Variants in GSE1 observed in about 807,000 individuals in gnomAD.
The protein encoded by GSE1 is genetic suppressor element 1.
Under a neutral mutation model 112.6 loss-of-function variants are expected in GSE1, and 32 were observed. The ratio of observed to expected loss-of-function variants is 0.28; its 90% CI spans 0.21 to 0.38. The LOEUF is 0.38. GSE1 is among the 10% of genes least tolerant of loss of function. GSE1 has a pLI of 1.00. For missense variants in GSE1, 2,348 were observed against 1,699.2 expected, an observed-to-expected ratio of 1.38 and a Z score of -6.71; for synonymous variants, 1,115 against 735.6, an observed-to-expected ratio of 1.52 and a Z score of -8.35.
chr16:85,409,844 C>T (rs1485303861), intron 2 of GSE1, among the ~76,000 whole-genome samples: 2 of 9,358 alleles, frequency 2.1e-4, no homozygotes, highest in Non-Finnish European at 4.1e-4. Flanking sequence ...CAGGGCCCCC[C>T]GGATAATCCT....
At chr16:85,502,147 G>T (rs894236554) in intron 2 of GSE1, among the ~76,000 whole-genome samples, 4 of 152,190 alleles carry the variant, frequency 2.6e-5, no homozygotes, top group East Asian at 1.9e-4. Flanking sequence ...TGGAGGTTGG[G>T]TGAGATGGGA....
chr16:85,419,474 T>C lies in GSE1; in HGVS notation c.2464+61831T>C, dbSNP rs562293747. 6.6e-6 allele frequency among the ~76,000 whole-genome samples: 1 copy of C among 151,868 alleles called. No individual in the cohort carries two copies. Among genetic ancestry groups the C allele is most frequent in the African/African-American group, 2.4e-5 (1 of 41,404 alleles). On this transcript the variant is annotated intron_variant, in intron 2 of 2. Transcript: ENST00000637419. The surrounding 1 kb of genome is among the most constrained non-coding windows in gnomAD (Gnocchi z 6.5). ...AACAAAAGTTAGCCAGGCGTGGTGG[T>C]GCACATCTGTGGTCCTAGCTACTCG...
At chr16:85,401,761 C>A (rs2048120249) in intron 2 of GSE1, among the ~76,000 whole-genome samples, 1 of 152,242 alleles carries the variant, frequency 6.6e-6, no homozygotes, top group South Asian at 2.1e-4. Flanking sequence ...GGGGTTGATA[C>A]CCGTCCATGC....
chr16:85,240,964 C>G (rs1308710036), intron 1 of GSE1, among the ~76,000 whole-genome samples: 3 of 152,200 alleles, frequency 2.0e-5, no homozygotes, highest in African/African-American at 7.2e-5. Flanking sequence ...AAAATGCCCC[C>G]TTGAAAGCTG....
At position 85,668,881 on chromosome 16, in the gene GSE1, C is replaced by T. The variant is rs370951994; in HGVS notation, c.3415+457C>T. 1.3e-3 allele frequency among the ~76,000 whole-genome samples: 191 copies of T among 152,356 alleles called. 2 individuals carry two copies. Among genetic ancestry groups the T allele is most frequent in the African/African-American group, 4.5e-3 (189 of 41,580 alleles). On this transcript the variant is annotated intron_variant, in intron 14 of 15. Transcript: ENST00000253458. The stretch of plus-strand genomic sequence containing the variant: ...CGGTGGGTGCCAGTCATGTTTTCAG[C>T]TGCCTTTACTTTAGCCAAGCACTTT...
chr16:85,611,720 C>T (rs2047995791), upstream of GSE1, among the ~76,000 whole-genome samples: 1 of 152,120 alleles, frequency 6.6e-6, no homozygotes, highest in Admixed American at 6.5e-5. Flanking sequence ...ACCCTGCCCC[C>T]CGGAGGGCAC....
intron 2 of GSE1, among the ~76,000 whole-genome samples, chr16:85,444,736 C>A (rs2049465731): frequency 1.3e-5 from 2 of 152,150 alleles, no homozygotes; most frequent in Non-Finnish European, 2.9e-5. Flanking sequence ...CCTCCTGTGA[C>A]CCACTGAACC....
intron 1 of GSE1, among the ~76,000 whole-genome samples, chr16:85,558,377 G>C (rs991107254): frequency 2.6e-5 from 4 of 151,862 alleles, no homozygotes; most frequent in Non-Finnish European, 5.9e-5. Flanking sequence ...AGTACAGGGC[G>C]TCTTCAAAGC....
intron 2 of GSE1, among the ~76,000 whole-genome samples, chr16:85,538,130 A>T (rs2044395317): frequency 6.6e-6 from 1 of 152,120 alleles, no homozygotes; most frequent in South Asian, 2.1e-4. Flanking sequence ...CCAGAAGGGG[A>T]GGGGAGAAGA....
intron 1 of GSE1, among the ~76,000 whole-genome samples, chr16:85,231,871 A>C (rs895514442): frequency 1.3e-5 from 2 of 152,256 alleles, no homozygotes; most frequent in Non-Finnish European, 2.9e-5. Context: ...GAACTTGCAA[A>C]AGCAAATGAA....
intron 2 of GSE1, among the ~76,000 whole-genome samples, chr16:85,646,240 CTGCTTCTACCACGCATTCTACT>C (rs1316122693): frequency 8.8e-5 from 13 of 148,050 alleles, no homozygotes; most frequent in Non-Finnish European, 1.6e-4. Context: ...CGCATTCTAC[CTGCTTCTACCACGCATTCTACT>C]TGCTTCTACC....
intron 2 of GSE1, among the ~76,000 whole-genome samples, chr16:85,518,850 C>T (rs1412014396): frequency 2.0e-5 from 3 of 152,154 alleles, no homozygotes; most frequent in African/African-American, 7.2e-5. Flanking sequence ...AGGAAGGAAG[C>T]CCTGTCTTGC....
At chr16:85,426,886 G>GA in intron 2 of GSE1, among the ~76,000 whole-genome samples, 1 of 152,310 alleles carries the variant, frequency 6.6e-6, no homozygotes, top group Non-Finnish European at 1.5e-5. Context: ...AGAAGTGCTT[G>GA]AAAAATGTCT....
intron 1 of GSE1, among the ~76,000 whole-genome samples, chr16:85,350,643 T>G (rs528728776): frequency 6.6e-6 from 1 of 152,334 alleles, no homozygotes; most frequent in African/African-American, 2.4e-5. Context: ...GCTTTGATTC[T>G]TGTTCCTGAT....
chr16:85,410,402 G>A (rs1339735547), intron 2 of GSE1, among the ~76,000 whole-genome samples: 3 of 29,262 alleles, frequency 1.0e-4, no homozygotes, highest in Non-Finnish European at 1.8e-4. Context: ...AGGCCCCCCT[G>A]GATAATCCTC....
intron 2 of GSE1, among the ~76,000 whole-genome samples, chr16:85,636,058 G>T (rs903238751): frequency 6.6e-6 from 1 of 152,266 alleles, no homozygotes; most frequent in African/African-American, 2.4e-5. Context: ...CACTGGCCAG[G>T]AACAAAGTGC....
At chr16:85,520,462 A>C (rs2052145390) in intron 2 of GSE1, among the ~76,000 whole-genome samples, 1 of 144,856 alleles carries the variant, frequency 6.9e-6, no homozygotes, top group Admixed American at 6.9e-5. Flanking sequence ...AAGGAGTGTC[A>C]CTCTTGTCAC....
intron 2 of GSE1, among the ~76,000 whole-genome samples, chr16:85,420,380 C>A (rs530421949): frequency 2.6e-5 from 4 of 152,268 alleles, no homozygotes; most frequent in African/African-American, 9.6e-5. Context: ...CTAAGCCACG[C>A]AGTTTGTAGC....
At chr16:85,667,791 G>A (rs2052993421) in intron 13 of GSE1, among the ~76,000 whole-genome samples, 3 of 152,156 alleles carry the variant, frequency 2.0e-5, no homozygotes, top group Admixed American at 6.5e-5. Flanking sequence ...CCTGGGAGGG[G>A]AAGTTGCAGT....
Sources: gnomAD v4.1 joint callset for allele counts (sites outside exome capture counted in the v4.1 genomes callset) on GRCh38, gnomAD v4.1.1 for gene constraint, Gnocchi (gnomAD v3.1) non-coding constraint, MANE v1.5 for transcripts, NCBI Gene and HGNC (gene_info 2026-07-23, HGNC 2026-07-21) for gene names.